Variants in DOK5 observed in about 807,000 individuals in gnomAD.
DOK5 encodes docking protein 5.
In DOK5, 27 loss-of-function variants were observed where a neutral mutation model predicts 43.3. The ratio of observed to expected loss-of-function variants is 0.62; its 90% CI spans 0.46 to 0.86. The LOEUF (loss-of-function observed/expected upper bound fraction) is 0.86. DOK5 is among the 40% of genes least tolerant of loss of function. The pLI is 0.00. For missense variants in DOK5, 373 were observed against 392.9 expected (o/e 0.95, Z 0.43); for synonymous variants, 146 against 140.1 (o/e 1.04, Z -0.30).
intron 2 of DOK5, among the ~76,000 whole-genome samples, chr20:54,584,231 G>A (rs1051508399): frequency 1.3e-5 from 2 of 151,802 alleles, no homozygotes; most frequent in Non-Finnish European, 1.5e-5. Flanking sequence ...TGTATTTCTT[G>A]TAGCTCTTTT....
intron 6 of DOK5, among the ~76,000 whole-genome samples, chr20:54,611,098 A>G (rs570564904): frequency 1.3e-5 from 2 of 152,346 alleles, no homozygotes; most frequent in South Asian, 4.1e-4. Flanking sequence ...TGGGTCAAAG[A>G]GAACCTGTCT....
intron 6 of DOK5, among the ~76,000 whole-genome samples, chr20:54,635,358 C>G (rs1231273351): frequency 6.6e-6 from 1 of 152,200 alleles, no homozygotes; most frequent in African/African-American, 2.4e-5. Flanking sequence ...AGAGAATTAA[C>G]TAAGAGTCTG....
intron 6 of DOK5, among the ~76,000 whole-genome samples, chr20:54,612,669 A>G (rs954874461): frequency 2.0e-5 from 3 of 152,120 alleles, no homozygotes; most frequent in Non-Finnish European, 2.9e-5. Flanking sequence ...AACCATCACC[A>G]TTGGCTTTCA....
At chr20:54,645,454 T>C (rs752815863) in intron 7 of DOK5, among the ~76,000 whole-genome samples, 18 of 151,932 alleles carry the variant, frequency 1.2e-4, no homozygotes, top group Non-Finnish European at 2.1e-4. Context: ...TGAACCCTGG[T>C]CACAACAGCA....
chr20:54,618,198 C>T (rs956965851), intron 6 of DOK5, among the ~76,000 whole-genome samples: 2 of 152,196 alleles, frequency 1.3e-5, no homozygotes, highest in South Asian at 2.1e-4. Context: ...TCTGCAGCTA[C>T]GTAGCTCATT....
At chr20:54,590,061 A>G (rs1985931860) in intron 4 of DOK5, among the ~76,000 whole-genome samples, 1 of 152,070 alleles carries the variant, frequency 6.6e-6, no homozygotes, top group Admixed American at 6.6e-5. Context: ...ATTATGATTC[A>G]TTTTTTCACC....
chr20:54,571,213 T>G (rs1985270518), intron 2 of DOK5, among the ~76,000 whole-genome samples: 1 of 152,240 alleles, frequency 6.6e-6, no homozygotes, highest in Non-Finnish European at 1.5e-5. Flanking sequence ...AATATCTCCC[T>G]GCTTTTTTAT....
intron 5 of DOK5, among the ~76,000 whole-genome samples, chr20:54,595,077 C>T (rs1180467242): frequency 6.6e-6 from 1 of 152,108 alleles, no homozygotes; most frequent in Non-Finnish European, 1.5e-5. Flanking sequence ...CGTGGTGGCT[C>T]ATGCCTGTAA....
At chr20:54,559,178 G>A (rs1015533816) in intron 2 of DOK5, among the ~76,000 whole-genome samples, 1 of 152,166 alleles carries the variant, frequency 6.6e-6, no homozygotes, top group Non-Finnish European at 1.5e-5. Flanking sequence ...GGGGATGAAA[G>A]TTTCTGTGCA....
intron 2 of DOK5, among the ~76,000 whole-genome samples, chr20:54,582,091 AT>A (rs1486587651): frequency 6.6e-6 from 1 of 151,814 alleles, no homozygotes; most frequent in Non-Finnish European, 1.5e-5. Flanking sequence ...ATGTATTGAA[AT>A]TTGTCAAATG....
intron 1 of DOK5, among the ~76,000 whole-genome samples, chr20:54,477,048 G>C (rs1360855660): frequency 6.6e-6 from 1 of 151,370 alleles, no homozygotes; most frequent in Non-Finnish European, 1.5e-5. Context: ...GGGTGGAGAG[G>C]TGGCGGGGGC....
At chr20:54,513,238 T>C (rs1983070864) in intron 1 of DOK5, among the ~76,000 whole-genome samples, 1 of 152,128 alleles carries the variant, frequency 6.6e-6, no homozygotes, top group East Asian at 1.9e-4. Flanking sequence ...TAGTTTTCTG[T>C]TACATTCAGC....
chr20:54,599,661 G>A (rs1244120103), intron 5 of DOK5, among the ~76,000 whole-genome samples: 1 of 152,152 alleles, frequency 6.6e-6, no homozygotes, highest in East Asian at 1.9e-4. Context: ...TGACCTTTGA[G>A]GCAAAATTAG....
intron 6 of DOK5, among the ~76,000 whole-genome samples, chr20:54,617,081 C>A (rs570635647): frequency 6.6e-6 from 1 of 152,076 alleles, no homozygotes; most frequent in African/African-American, 2.4e-5. Context: ...TGAGCCACTG[C>A]GCCCAGCCAA....
chr20:54,478,842 A>G (rs1184449896), intron 1 of DOK5, among the ~76,000 whole-genome samples: 1 of 152,172 alleles, frequency 6.6e-6, no homozygotes, highest in Non-Finnish European at 1.5e-5. Context: ...ATTTTCTTTA[A>G]TCAAAGATGA....
chr20:54,528,625 G>T (rs183009374), intron 1 of DOK5, among the ~76,000 whole-genome samples: 9 of 152,148 alleles, frequency 5.9e-5, no homozygotes, highest in Non-Finnish European at 1.3e-4. Flanking sequence ...GCCAATATTT[G>T]GTCACTTGGC....
At chr20:54,632,135 G>C (rs1206887970) in intron 6 of DOK5, among the ~76,000 whole-genome samples, 1 of 152,162 alleles carries the variant, frequency 6.6e-6, no homozygotes, top group Non-Finnish European at 1.5e-5. Context: ...CTGAATGTGA[G>C]GGCTTAGAGC....
chr20:54,619,047 A>G (rs1327482687), intron 6 of DOK5, among the ~76,000 whole-genome samples: 1 of 97,740 alleles, frequency 1.0e-5, no homozygotes, highest in African/African-American at 4.9e-5. Flanking sequence ...ATATATATAT[A>G]TATATATATA....
chr20:54,524,011 T>C (rs1208835003), intron 1 of DOK5, among the ~76,000 whole-genome samples: 1 of 152,238 alleles, frequency 6.6e-6, no homozygotes, highest in African/African-American at 2.4e-5. Context: ...CTTGAAAAGT[T>C]GTTCTGGGAC....
Sources: allele counts gnomAD v4.1 joint callset (sites outside exome capture counted in the v4.1 genomes callset), GRCh38; gene constraint gnomAD v4.1.1; transcripts MANE v1.5; gene names NCBI Gene and HGNC (gene_info 2026-07-23, HGNC 2026-07-21).